Variants in GALNT2 observed in about 807,000 individuals in gnomAD.
GALNT2 encodes the protein UDP-GalNAc:polypeptide N-acetylgalactosaminyltransferase 2.
A neutral mutation model predicts 81.4 loss-of-function variants in GALNT2; 31 were observed. The ratio of observed to expected loss-of-function variants is 0.38; its 90% CI spans 0.29 to 0.51. GALNT2 has a LOEUF of 0.51. Among genes scored for constraint, GALNT2 ranks in the 20% least tolerant of loss-of-function variants. The pLI is 0.87. For synonymous variants in GALNT2, 303 were observed against 287.4 expected (o/e 1.05, Z -0.55); for missense variants, 629 against 765.7 (o/e 0.82, Z 2.11).
At chr1:230,088,084 A>G (rs1002270841) in intron 1 of GALNT2, among the ~76,000 whole-genome samples, 3 of 147,840 alleles carry the variant, frequency 2.0e-5, no homozygotes, top group African/African-American at 7.5e-5. Context: ...CCCCGCCCCC[A>G]ATGTTTTTGC....
chr1:230,106,024 C>T (rs1269166972), intron 1 of GALNT2, among the ~76,000 whole-genome samples: 1 of 152,198 alleles, frequency 6.6e-6, no homozygotes, highest in Non-Finnish European at 1.5e-5. Flanking sequence ...GTCCGGTCTT[C>T]GGACTTGACT....
At chr1:230,116,456 C>T (rs1571980343) in intron 1 of GALNT2, among the ~76,000 whole-genome samples, 2 of 152,318 alleles carry the variant, frequency 1.3e-5, no homozygotes, top group South Asian at 4.1e-4. Context: ...TCTCGATCTC[C>T]TGATCTCGTG....
chr1:230,141,108 A>G (rs1661716674), intron 1 of GALNT2, among the ~76,000 whole-genome samples: 1 of 152,200 alleles, frequency 6.6e-6, no homozygotes, highest in Admixed American at 6.5e-5. Context: ...GGGGAATGTG[A>G]GTGAATGTGA....
Position 230,246,165 on chromosome 1 carries a change from T to C in GALNT2, c.817+15T>C. On this transcript the variant is annotated intron_variant, in intron 8 of 15. Coordinates refer to ENST00000366672, the MANE Select transcript of GALNT2 (RefSeq NM_004481.5). ...CTTGAAGGGCGGTAGGTGTCTGTCA[T>C]GGTGCCCCTGCCTAGCTCGTCCCGT... 3 of 1,594,862 alleles carry C rather than the reference T, an allele frequency of 1.9e-6. No homozygotes were observed. Among genetic ancestry groups the C allele is most frequent in the Non-Finnish European group, 2.6e-6 (3 of 1,162,534 alleles).
intron 1 of GALNT2, among the ~76,000 whole-genome samples, chr1:230,073,481 C>T (rs557324428): frequency 1.3e-5 from 2 of 152,336 alleles, no homozygotes; most frequent in East Asian, 3.9e-4. Context: ...CCTCCTGCAG[C>T]ACAGGGTGAA....
At chr1:230,236,191 C>A in intron 4 of GALNT2, 79 bp downstream of exon 4, 1 of 1,460,970 alleles carries the variant, frequency 6.8e-7, no homozygotes, top group Non-Finnish European at 9.5e-7. Flanking sequence ...CCAGGGCTGT[C>A]AGTGGGGGCT....
chr1:230,085,321 A>G lies in GALNT2; in HGVS notation c.126+17915A>G, dbSNP rs117950511. 6.1e-3 allele frequency among the ~76,000 whole-genome samples: 932 copies of G among 152,276 alleles called. 10 individuals are homozygous for G. The highest frequency in any genetic ancestry group is 0.028 in the East Asian group (143 of 5,188). ...GATTCATTCCTTGTTTATGAGGAAC[A>G]TCTGAGCCCCTATCCTGTCCCGTGG... On this transcript the variant is annotated intron_variant, in intron 1 of 15. Coordinates refer to ENST00000366672, the MANE Select transcript of GALNT2 (RefSeq NM_004481.5).
At chr1:230,063,613 C>T (rs1171687009), upstream of GALNT2, among the ~76,000 whole-genome samples, 3 of 152,190 alleles carry the variant, frequency 2.0e-5, no homozygotes, top group African/African-American at 7.2e-5. Context: ...TTTTCTTCTA[C>T]CTCTAACATT....
intron 1 of GALNT2, among the ~76,000 whole-genome samples, chr1:230,136,163 GA>G (rs1205373664): frequency 6.6e-6 from 1 of 152,200 alleles, no homozygotes; most frequent in Non-Finnish European, 1.5e-5. Context: ...ATCTTCTCAG[GA>G]GTTGGAGGGT....
chr1:230,091,842 T>C (rs1028266769), intron 1 of GALNT2: 3 of 152,410 alleles, frequency 2.0e-5, no homozygotes, highest in Non-Finnish European at 2.9e-5. Flanking sequence ...TCCAAGGAAG[T>C]CTCTACCTCA....
chr1:230,183,893 G>T (rs1034804642), intron 2 of GALNT2, among the ~76,000 whole-genome samples: 5 of 151,834 alleles, frequency 3.3e-5, no homozygotes, highest in Non-Finnish European at 5.9e-5. Context: ...CAGGAGAATC[G>T]CTGGAACCTG....
intron 1 of GALNT2, among the ~76,000 whole-genome samples, chr1:230,173,050 A>G (rs753143935): frequency 1.3e-5 from 2 of 152,206 alleles, no homozygotes; most frequent in Non-Finnish European, 2.9e-5. Context: ...TGGGAGATAC[A>G]TATTTTGAGG....
At chr1:230,213,126 G>A (rs1320460424) in intron 3 of GALNT2, among the ~76,000 whole-genome samples, 1 of 152,218 alleles carries the variant, frequency 6.6e-6, no homozygotes, top group Non-Finnish European at 1.5e-5. Context: ...AATGAGTTGT[G>A]TGATTTGCTT....
At chr1:230,121,948 C>CTTTTT (rs11430880) in intron 1 of GALNT2, among the ~76,000 whole-genome samples, 4 of 104,010 alleles carry the variant, frequency 3.8e-5, no homozygotes, top group Admixed American at 1.2e-4. Context: ...TACTGTTATG[C>CTTTTT]TTTTTTTTTT....
At chr1:230,203,365 C>A in intron 3 of GALNT2, 75 bp downstream of exon 3, 1 of 1,490,742 alleles carries the variant, frequency 6.7e-7, no homozygotes, top group Non-Finnish European at 9.2e-7. Context: ...TCACCTGTGA[C>A]ACTAGAACTT....
intron 2 of GALNT2, among the ~76,000 whole-genome samples, chr1:230,185,879 T>C (rs1213032433): frequency 1.3e-5 from 2 of 152,204 alleles, no homozygotes; most frequent in South Asian, 4.1e-4. Flanking sequence ...CCAGGAATTT[T>C]CCACTACAGT....
chr1:230,148,578 C>CT (rs1298902318), intron 1 of GALNT2, among the ~76,000 whole-genome samples: 77 of 151,686 alleles, frequency 5.1e-4, no homozygotes, highest in African/African-American at 1.3e-3. Context: ...GTTTTGTTTT[C>CT]TTTTTTTTTC....
intron 1 of GALNT2, among the ~76,000 whole-genome samples, chr1:230,165,415 T>G (rs1662572526): frequency 6.6e-6 from 1 of 152,274 alleles, no homozygotes; most frequent in Admixed American, 6.5e-5. Flanking sequence ...TTTTTTCTCT[T>G]ATAAATAATG....
chr1:230,145,621 C>G (rs1299595393), intron 1 of GALNT2, among the ~76,000 whole-genome samples: 2 of 152,254 alleles, frequency 1.3e-5, no homozygotes, highest in Non-Finnish European at 2.9e-5. Flanking sequence ...TTTTGAGATT[C>G]TTATCCACAG....
Sources: allele counts gnomAD v4.1 joint callset (sites outside exome capture counted in the v4.1 genomes callset), GRCh38; gene constraint gnomAD v4.1.1; transcripts MANE v1.5; gene names NCBI Gene and HGNC (gene_info 2026-07-23, HGNC 2026-07-21).